The following LRRD1 variants were observed in gnomAD, a reference collection of about 807,000 sequenced individuals.
LRRD1 encodes the protein leucine rich repeats and death domain containing 1, also known as leucine-rich repeat and death domain-containing protein 1.
A neutral mutation model predicts 69.5 loss-of-function variants in LRRD1; 49 were observed. That is an observed-to-expected ratio of 0.70 (90% CI 0.56 to 0.89). The LOEUF is 0.89. LRRD1 is among the 40% of genes least tolerant of loss of function. The pLI is 0.00. For missense variants in LRRD1, 853 were observed against 956.0 expected, an observed-to-expected ratio of 0.89 and a Z score of 1.42; for synonymous variants, 303 against 338.9, an observed-to-expected ratio of 0.89 and a Z score of 1.16.
At chr7:92,142,517 T>G (rs1334472749), downstream of LRRD1, 3 of 456,596 alleles carry the variant, frequency 6.6e-6, no homozygotes, top group Non-Finnish European at 4.4e-6. Flanking sequence ...CAAAAGAAAC[T>G]GTTAATGGCC....
downstream of LRRD1, chr7:92,142,912 G>A (rs775369472): frequency 4.5e-5 from 15 of 335,206 alleles, no homozygotes; most frequent in Non-Finnish European, 8.8e-5. Flanking sequence ...AAGAGCGAAA[G>A]AACAATGCTT....
intron 3 of LRRD1, among the ~76,000 whole-genome samples, chr7:92,151,429 A>G (rs939707928): frequency 6.6e-6 from 1 of 152,232 alleles, no homozygotes; most frequent in African/African-American, 2.4e-5. Flanking sequence ...ACATTATATC[A>G]GAGATACCTC....
intron 4 of LRRD1, among the ~76,000 whole-genome samples, chr7:92,148,285 T>A (rs754962365): frequency 5.3e-5 from 8 of 152,032 alleles, no homozygotes; most frequent in Non-Finnish European, 8.8e-5. Flanking sequence ...TTGCCCAAGC[T>A]GGTCTCGAAC....
chr7:92,167,876 CAAAAAAAAAAAAAAA>C (rs542619786), intron 1 of LRRD1, among the ~76,000 whole-genome samples: 122 of 46,192 alleles, frequency 2.6e-3, no homozygotes, highest in Admixed American at 7.4e-3. Flanking sequence ...GACTCTGTCT[CAAAAAAAAAAAAAAA>C]AAAAAAAAAA....
chr7:92,145,921 T>A (rs1277218303), intron 5 of LRRD1, among the ~76,000 whole-genome samples, 162 bp downstream of exon 5: 1 of 152,244 alleles, frequency 6.6e-6, no homozygotes, highest in Non-Finnish European at 1.5e-5. Flanking sequence ...TTATGTTATA[T>A]GGCCTTCCAA....
At chr7:92,173,948 T>G (rs1280963252) in intron 1 of LRRD1, among the ~76,000 whole-genome samples, 6 of 152,148 alleles carry the variant, frequency 3.9e-5, no homozygotes, top group Admixed American at 3.9e-4. Context: ...AACAGATGAA[T>G]GGATAAAGAA....
rs1788868641 is a variant in LRRD1 at position 92,164,771 on chromosome 7, A to T, written c.432T>A (p.Phe144Leu). Residue 144 changes from phenylalanine (F) to leucine (L), a missense_variant, in exon 2 of 6, where the codon TTT (phenylalanine) becomes TTA (leucine). Around this residue, in one of 3 missense-constraint regions of LRRD1, gnomAD observed 739 missense variants for 808.0 expected, o/e 0.91. Coordinates refer to ENST00000458448, the MANE Select transcript of LRRD1 (RefSeq NM_001161528.2). ...AACCCTTGGCCTCAAGGTTAACTGT[A>T]AAGTTATCTGCCCCTAGGCCAAGTT... ...QKQLGLGADN[F>L]TVNLEAKGLQ... 6.4e-7 allele frequency: 1 copy of T among 1,551,388 alleles called. No homozygotes were observed. Among genetic ancestry groups the T allele is most frequent in the African/African-American group, 1.4e-5 (1 of 73,040 alleles).
chr7:92,172,567 T>C (rs1010189880), intron 1 of LRRD1, among the ~76,000 whole-genome samples: 3 of 147,616 alleles, frequency 2.0e-5, no homozygotes, highest in Non-Finnish European at 4.5e-5. Context: ...AAAAAAAAAA[T>C]CAAGAAAGCA....
intron 3 of LRRD1, 41 bp downstream of exon 3, chr7:92,158,964 C>G: frequency 6.8e-7 from 1 of 1,478,182 alleles, no homozygotes; most frequent in African/African-American, 1.4e-5. Flanking sequence ...CATTAATACT[C>G]TACTTATTGA....
intron 3 of LRRD1, among the ~76,000 whole-genome samples, chr7:92,158,591 C>T (rs1055450467): frequency 6.6e-6 from 1 of 151,672 alleles, no homozygotes; most frequent in East Asian, 1.9e-4. Context: ...AATGCTTTAC[C>T]TTGTAAATGA....
At chr7:92,148,002 C>T (rs914552370) in intron 4 of LRRD1, among the ~76,000 whole-genome samples, 19 of 152,122 alleles carry the variant, frequency 1.2e-4, no homozygotes, top group Admixed American at 1.1e-3. Flanking sequence ...CTACAATCTC[C>T]GCCTCCTGAT....
downstream of LRRD1, chr7:92,142,239 G>A (rs1479850041): frequency 3.1e-6 from 1 of 324,950 alleles, no homozygotes; most frequent in Non-Finnish European, 6.0e-6. Flanking sequence ...ACCCTGCCCG[G>A]GCTCCACAAT....
intron 3 of LRRD1, among the ~76,000 whole-genome samples, chr7:92,151,316 T>C (rs1397801841): frequency 1.3e-5 from 2 of 152,236 alleles, no homozygotes; most frequent in Non-Finnish European, 2.9e-5. Flanking sequence ...GTTATGAATT[T>C]TGTAGAATGT....
chr7:92,166,270 A>G (rs1397464427), intron 1 of LRRD1, among the ~76,000 whole-genome samples: 1 of 152,132 alleles, frequency 6.6e-6, no homozygotes, highest in Non-Finnish European at 1.5e-5. Context: ...GCTACTTCCT[A>G]TGTTTACTAT....
Position 92,151,064 on chromosome 7 carries a change from G to A in LRRD1, c.2117-369C>T, listed in dbSNP as rs545235377. 3.3e-5 allele frequency among the ~76,000 whole-genome samples: 5 copies of A among 152,280 alleles called. No homozygotes were observed. In the South Asian group the frequency reaches 1.0e-3, roughly 32 times the overall value. On this transcript the variant is annotated intron_variant, in intron 3 of 5. Coordinates refer to ENST00000458448, the MANE Select transcript of LRRD1 (RefSeq NM_001161528.2). ...CTTCTGCATTCCTCATCTAGCTTTA[G>A]TTTCTCCTAATGTTATCACATTATC... is the stretch of plus-strand genomic sequence containing the variant.
rs1213380498 is a variant in LRRD1, at chr7:92,144,935, C to A, written c.2536G>T (p.Asp846Tyr). The A allele has an allele frequency of 2.6e-6, 4 of 1,536,186 alleles. No homozygotes were observed. The highest frequency in any genetic ancestry group is 1.7e-4 in the Middle Eastern group (1 of 5,938). ...AAAAGATTTAAAGCTGTTATTTTGTCCATAATTTCATATGCTCCTATCATA... is the reference window on the plus strand; with the variant it reads ...AAAAGATTTAAAGCTGTTATTTTGTACATAATTTCATATGCTCCTATCATA... ...LTMIGAYEIM[D>Y]KITALNLFTR... is the part of the protein sequence containing the mutation. Residue 846 changes from aspartate to tyrosine, a missense_variant, in exon 6 of 6, where the codon GAC (aspartate) becomes TAC (tyrosine). By Grantham distance (160) the Asp-to-Tyr change is radical. Transcript: ENST00000458448.
chr7:92,143,855 G>T (rs1281829263), downstream of LRRD1, among the ~76,000 whole-genome samples: 1 of 152,254 alleles, frequency 6.6e-6, no homozygotes, highest in African/African-American at 2.4e-5. Flanking sequence ...GCGAGCGAGG[G>T]CTGTGAGGAC....
intron 2 of LRRD1, among the ~76,000 whole-genome samples, chr7:92,159,521 T>G (rs1442382118): frequency 2.6e-5 from 4 of 151,918 alleles, no homozygotes; most frequent in African/African-American, 4.8e-5. Context: ...TCCCTAAATC[T>G]GACCCTGTTT....
chr7:92,148,193 A>T (rs1820376653), intron 4 of LRRD1, among the ~76,000 whole-genome samples: 1 of 152,092 alleles, frequency 6.6e-6, no homozygotes, highest in South Asian at 2.1e-4. Context: ...TGCCCACCTC[A>T]GTTTTTAAAA....
Sources: gnomAD v4.1 joint callset for allele counts (sites outside exome capture counted in the v4.1 genomes callset) on GRCh38, gnomAD v4.1.1 for gene constraint, gnomAD v4.1.1 regional missense constraint, MANE v1.5 for transcripts, NCBI Gene and HGNC (gene_info 2026-07-23, HGNC 2026-07-21) for gene names.